FHIT: variants seen among roughly 807,000 people sequenced by gnomAD.
FHIT encodes bis(5'-adenosyl)-triphosphatase.
Under a neutral mutation model 17.9 loss-of-function variants are expected in FHIT, and 19 were observed. That is an observed-to-expected ratio of 1.06 (90% CI 0.74 to 1.56). FHIT has a LOEUF of 1.56. FHIT is among the 40% of genes most tolerant of loss of function. FHIT has a pLI of 0.00. For synonymous variants in FHIT, 81 were observed against 69.7 expected (o/e 1.16, Z -0.81); for missense variants, 248 against 189.2 (o/e 1.31, Z -1.82).
At chr3:61,076,331 T>C (rs2106758744) in intron 2 of FHIT, among the ~76,000 whole-genome samples, 1 of 152,276 alleles carries the variant, frequency 6.6e-6, no homozygotes, top group African/African-American at 2.4e-5. Context: ...TATAATAGTC[T>C]TTCATAATAG....
chr3:59,793,241 A>G (rs528223294), intron 8 of FHIT, among the ~76,000 whole-genome samples: 1 of 152,170 alleles, frequency 6.6e-6, no homozygotes, highest in Non-Finnish European at 1.5e-5. Context: ...GCTACTATTA[A>G]TGACTACCTA....
chr3:60,925,627 C>T (rs539709158), intron 3 of FHIT, among the ~76,000 whole-genome samples: 5 of 152,144 alleles, frequency 3.3e-5, no homozygotes, highest in Non-Finnish European at 7.4e-5. Flanking sequence ...TAAAGCCCAT[C>T]GAGGCTAGGA....
chr3:60,790,285 G>A (rs1559724820), intron 4 of FHIT, among the ~76,000 whole-genome samples: 1 of 152,136 alleles, frequency 6.6e-6, no homozygotes, highest in South Asian at 2.1e-4. Context: ...AGTGAAGGAA[G>A]GACAAGTCTA....
chr3:60,164,059 A>T (rs1023197484), intron 5 of FHIT, among the ~76,000 whole-genome samples: 3 of 151,878 alleles, frequency 2.0e-5, no homozygotes, highest in Admixed American at 6.6e-5. Flanking sequence ...CAACAAAAAC[A>T]TTTTTTTTGG....
chr3:60,708,820 G>A (rs1211147056), intron 4 of FHIT, among the ~76,000 whole-genome samples: 1 of 152,210 alleles, frequency 6.6e-6, no homozygotes. Context: ...TTGGGAAAGA[G>A]TGATATTGGA....
At chr3:60,486,827 A>G (rs1163526134) in intron 5 of FHIT, among the ~76,000 whole-genome samples, 1 of 150,900 alleles carries the variant, frequency 6.6e-6, no homozygotes, top group Non-Finnish European at 1.5e-5. Flanking sequence ...TGCCACTAAA[A>G]TTTCTCAAAA....
intron 1 of FHIT, among the ~76,000 whole-genome samples, chr3:61,213,621 T>C (rs903137920): frequency 6.6e-6 from 1 of 152,076 alleles, no homozygotes; most frequent in South Asian, 2.1e-4. Flanking sequence ...AACAAGGATA[T>C]CCAGGTATTG....
intron 7 of FHIT, among the ~76,000 whole-genome samples, chr3:59,995,994 A>G (rs62238369): frequency 0.093 from 14,132 of 152,102 alleles, 905 homozygotes; most frequent in South Asian, 0.21. Flanking sequence ...AGAGAGTGAG[A>G]TGATGTTCTT....
At chr3:60,327,201 CA>C (rs1460890406) in intron 5 of FHIT, among the ~76,000 whole-genome samples, 1 of 152,190 alleles carries the variant, frequency 6.6e-6, no homozygotes. Flanking sequence ...TTATCCCCCA[CA>C]ACAAAATGTG....
chr3:61,071,800 C>G (rs1037661308), intron 2 of FHIT, among the ~76,000 whole-genome samples: 2 of 152,098 alleles, frequency 1.3e-5, no homozygotes, highest in African/African-American at 4.8e-5. Context: ...AGATGAAATA[C>G]CCCAAAATAT....
chr3:61,174,577 A>C (rs1228641917), intron 2 of FHIT, among the ~76,000 whole-genome samples: 1 of 152,230 alleles, frequency 6.6e-6, no homozygotes, highest in Non-Finnish European at 1.5e-5. Context: ...TTAACTTCCA[A>C]ATGAAAATGC....
At position 61,154,931 on chromosome 3, in the gene FHIT, C is replaced by A. The variant is rs180674748; in HGVS notation, c.-164+45686G>T. 3.9e-5 allele frequency among the ~76,000 whole-genome samples: 6 copies of A among 152,324 alleles called. No homozygotes were observed. In the East Asian group the frequency reaches 1.2e-3, roughly 29 times the overall value. On this transcript the variant is annotated intron_variant, in intron 2 of 9. Coordinates refer to ENST00000492590, the MANE Select transcript of FHIT (RefSeq NM_002012.4). ...CTTTTAAATAAAAGCTAGTTCACAT[C>A]ATCTCACCCCCTCAAAGGGAGGACC...
At chr3:59,790,848 C>T (rs1699525491) in intron 8 of FHIT, among the ~76,000 whole-genome samples, 1 of 152,134 alleles carries the variant, frequency 6.6e-6, no homozygotes, top group Non-Finnish European at 1.5e-5. Flanking sequence ...TTGGTAGGTG[C>T]TAAGTAAACT....
At chr3:60,582,638 G>T (rs938835549) in intron 4 of FHIT, among the ~76,000 whole-genome samples, 1 of 151,964 alleles carries the variant, frequency 6.6e-6, no homozygotes, top group Admixed American at 6.6e-5. Flanking sequence ...AAAAAAATGT[G>T]TATTCTATGT....
intron 5 of FHIT, among the ~76,000 whole-genome samples, chr3:60,452,357 A>G (rs1346834680): frequency 1.3e-5 from 2 of 152,190 alleles, no homozygotes; most frequent in African/African-American, 4.8e-5. Context: ...CCCATTTGAC[A>G]GATGTGAAAG....
chr3:59,758,615 A>AAAGAG (rs371657048), intron 8 of FHIT, among the ~76,000 whole-genome samples: 62 of 152,284 alleles, frequency 4.1e-4, no homozygotes, highest in African/African-American at 1.4e-3. Context: ...CCTCTAAGAG[A>AAAGAG]AAGAGAAGAG....
At chr3:60,129,854 CTGATT>C (rs1699459580) in intron 5 of FHIT, among the ~76,000 whole-genome samples, 1 of 152,062 alleles carries the variant, frequency 6.6e-6, no homozygotes, top group South Asian at 2.1e-4. Context: ...TAATTCTTAT[CTGATT>C]TATCTTCTTA....
At chr3:60,987,274 C>A (rs937324441) in intron 3 of FHIT, among the ~76,000 whole-genome samples, 2 of 152,192 alleles carry the variant, frequency 1.3e-5, no homozygotes, top group Non-Finnish European at 2.9e-5. Flanking sequence ...TAAACAAAAT[C>A]TCTGCAGCAC....
chr3:60,015,686 A>G (rs1020997566), intron 5 of FHIT, among the ~76,000 whole-genome samples: 4 of 152,122 alleles, frequency 2.6e-5, no homozygotes, highest in South Asian at 2.1e-4. Flanking sequence ...CAAGCTTCCA[A>G]CGAAGTCCAT....
Sources: gnomAD v4.1 joint callset for allele counts (sites outside exome capture counted in the v4.1 genomes callset) on GRCh38, gnomAD v4.1.1 for gene constraint, MANE v1.5 for transcripts, NCBI Gene and HGNC (gene_info 2026-07-23, HGNC 2026-07-21) for gene names.